Variants in GPC6 observed in about 807,000 individuals in gnomAD.
The protein encoded by GPC6 is glypican-6.
A neutral mutation model predicts 55.2 loss-of-function variants in GPC6; 14 were observed. The ratio of observed to expected loss-of-function variants is 0.25; its 90% confidence interval spans 0.17 to 0.40. GPC6 has a LOEUF of 0.40. GPC6 is among the 10% of genes least tolerant of loss of function. The pLI is 1.00. For synonymous variants in GPC6, 278 were observed against 259.6 expected (o/e 1.07, Z -0.68); for missense variants, 641 against 708.5 (o/e 0.90, Z 1.08).
intron 1 of GPC6, among the ~76,000 whole-genome samples, chr13:93,320,317 A>G (rs761383155): frequency 1.3e-5 from 2 of 152,080 alleles, no homozygotes; most frequent in Non-Finnish European, 2.9e-5. Context: ...ATTACCAAGT[A>G]TATTCTTTTA....
At chr13:94,207,803 G>C (rs1285970764) in intron 4 of GPC6, among the ~76,000 whole-genome samples, 2 of 152,256 alleles carry the variant, frequency 1.3e-5, no homozygotes, top group African/African-American at 4.8e-5. Context: ...TGGGCAAACT[G>C]TTGTTCTCTT....
At chr13:93,979,318 TTTG>T (rs1880674832) in intron 3 of GPC6, among the ~76,000 whole-genome samples, 1 of 139,100 alleles carries the variant, frequency 7.2e-6, no homozygotes, top group African/African-American at 2.8e-5. Flanking sequence ...TGTGTGTGTG[TTTG>T]TGTGTGTTTT....
chr13:94,209,530 TA>T (rs1251164693), intron 4 of GPC6, among the ~76,000 whole-genome samples: 1 of 151,990 alleles, frequency 6.6e-6, no homozygotes, highest in African/African-American at 2.4e-5. Context: ...AAATACGCCA[TA>T]AAAAAAATAG....
chr13:93,322,961 T>C (rs1012308239), intron 1 of GPC6, among the ~76,000 whole-genome samples: 20 of 151,782 alleles, frequency 1.3e-4, no homozygotes, highest in African/African-American at 4.6e-4. Context: ...CCCCTTAGTC[T>C]TAGGGTCTGG....
chr13:93,783,865 CA>C (rs1323837152), intron 2 of GPC6, among the ~76,000 whole-genome samples: 2 of 152,116 alleles, frequency 1.3e-5, no homozygotes, highest in African/African-American at 2.4e-5. Flanking sequence ...GAAAGTCATT[CA>C]TTCTTCAAAA....
At chr13:93,888,671 T>A (rs77312145) in intron 3 of GPC6, among the ~76,000 whole-genome samples, 2,310 of 152,268 alleles carry the variant, frequency 0.015, 58 homozygotes, top group African/African-American at 0.052. Flanking sequence ...AGTTTTTTCC[T>A]GAAGTTGACA....
At chr13:93,839,185 G>A (rs1887858489) in intron 3 of GPC6, among the ~76,000 whole-genome samples, 1 of 152,120 alleles carries the variant, frequency 6.6e-6, no homozygotes, top group Non-Finnish European at 1.5e-5. Flanking sequence ...GACTTGAGTG[G>A]TTTAATTGGT....
chr13:93,489,820 A>C (rs952401973), intron 1 of GPC6, among the ~76,000 whole-genome samples: 4 of 151,622 alleles, frequency 2.6e-5, no homozygotes, highest in Admixed American at 6.5e-5. Context: ...TTGATTTTGT[A>C]TCCTGAGACT....
intron 4 of GPC6, among the ~76,000 whole-genome samples, chr13:94,166,613 C>T (rs1299783939): frequency 2.0e-5 from 3 of 152,180 alleles, no homozygotes; most frequent in African/African-American, 7.2e-5. Flanking sequence ...CCTCCCCCTG[C>T]ACCATACATT....
intron 2 of GPC6, among the ~76,000 whole-genome samples, chr13:93,693,748 A>G (rs1882347491): frequency 6.6e-6 from 1 of 152,124 alleles, no homozygotes; most frequent in Non-Finnish European, 1.5e-5. Flanking sequence ...TGGCCTCCCA[A>G]ATTGTTGGGA....
intron 1 of GPC6, among the ~76,000 whole-genome samples, chr13:93,434,564 C>A (rs73552678): frequency 0.035 from 5,352 of 152,190 alleles, 313 homozygotes; most frequent in African/African-American, 0.12. Flanking sequence ...AAGAGTAAAT[C>A]TGCACAGGAT....
chr13:94,096,373 A>T (rs1322304969), intron 4 of GPC6, among the ~76,000 whole-genome samples: 2 of 151,686 alleles, frequency 1.3e-5, no homozygotes, highest in Non-Finnish European at 2.9e-5. Flanking sequence ...GGAAAATAAG[A>T]TTCTAGCTAC....
chr13:94,359,990 A>C (rs1310624279), intron 6 of GPC6, among the ~76,000 whole-genome samples: 1 of 152,210 alleles, frequency 6.6e-6, no homozygotes, highest in Non-Finnish European at 1.5e-5. Flanking sequence ...AAATAGTCTC[A>C]AGGAGAGGAT....
At chr13:93,354,663 C>T (rs927480013) in intron 1 of GPC6, among the ~76,000 whole-genome samples, 14 of 151,342 alleles carry the variant, frequency 9.3e-5, no homozygotes, top group Non-Finnish European at 1.9e-4. Context: ...CGCACCCAGC[C>T]TTCTGTTGGT....
intron 3 of GPC6, among the ~76,000 whole-genome samples, chr13:93,922,281 G>A (rs1436884658): frequency 6.6e-6 from 1 of 152,130 alleles, no homozygotes; most frequent in Admixed American, 6.5e-5. Context: ...AGTGGTTGCA[G>A]AGTGTCACAA....
rs112562953 is a variant in GPC6 at position 94,249,814 on chromosome 13, G to A, written c.878-36535G>A. 1.0e-3 allele frequency among the ~76,000 whole-genome samples: 159 copies of A among 152,202 alleles called. 2 individuals carry two copies. Among genetic ancestry groups the A allele is most frequent in the African/African-American group, 3.6e-3 (149 of 41,524 alleles). On this transcript the variant is annotated intron_variant, in intron 4 of 8. Coordinates refer to ENST00000377047, the MANE Select transcript of GPC6 (RefSeq NM_005708.5). Reference sequence around the variant, plus strand: ...GACAAGCTTGATGGCCCAATGATTTGAATCTCTTCTCTAAACAATGTTAGA... The same window carrying A: ...GACAAGCTTGATGGCCCAATGATTTAAATCTCTTCTCTAAACAATGTTAGA...
intron 1 of GPC6, among the ~76,000 whole-genome samples, chr13:93,424,241 CTG>C (rs1411860880): frequency 1.3e-5 from 2 of 152,204 alleles, no homozygotes; most frequent in African/African-American, 4.8e-5. Context: ...CCATCTGCCT[CTG>C]TGATGGTCCT....
chr13:93,841,856 A>G (rs1887965917), intron 3 of GPC6, among the ~76,000 whole-genome samples: 1 of 152,178 alleles, frequency 6.6e-6, no homozygotes, highest in East Asian at 1.9e-4. Flanking sequence ...AGGAAGATCA[A>G]CTTTTCTATG....
intron 1 of GPC6, among the ~76,000 whole-genome samples, chr13:93,258,219 A>C (rs2139037212): frequency 6.6e-6 from 1 of 152,272 alleles, no homozygotes; most frequent in South Asian, 2.1e-4. Context: ...TGGGTACATG[A>C]CCTACAATAG....
Sources: gnomAD v4.1 joint callset for allele counts (sites outside exome capture counted in the v4.1 genomes callset) on GRCh38, gnomAD v4.1.1 for gene constraint, MANE v1.5 for transcripts, NCBI Gene and HGNC (gene_info 2026-07-23, HGNC 2026-07-21) for gene names.